The following MTFR1 variants were observed in gnomAD, a reference collection of about 807,000 sequenced individuals.
MTFR1 encodes the protein mitochondrial fission regulator 1, also known as chondrocyte protein with a poly-proline region.
A neutral mutation model predicts 38.8 loss-of-function variants in MTFR1; 28 were observed. That is an observed-to-expected ratio of 0.72 (90% CI 0.53 to 0.99). The LOEUF (loss-of-function observed/expected upper bound fraction) is 0.99, where lower values mean the gene tolerates loss of function less well. Among genes scored for constraint, MTFR1 ranks in the 50% least tolerant of loss-of-function variants. The probability of loss-of-function intolerance (pLI) is 0.00; values close to 1 mark genes in which losing one functional copy is unlikely to be tolerated. For synonymous variants in MTFR1, 145 were observed against 137.0 expected, an observed-to-expected ratio of 1.06 and a Z score of -0.41; for missense variants, 358 against 395.5, an observed-to-expected ratio of 0.91 and a Z score of 0.81.
At chr8:65,694,852 A>G (rs1211318203) in intron 4 of MTFR1, among the ~76,000 whole-genome samples, 1 of 152,218 alleles carries the variant, frequency 6.6e-6, no homozygotes, top group African/African-American at 2.4e-5. Context: ...TGGAAGAGTA[A>G]AGAACTTGTT....
chr8:65,712,950 A>T (rs1805992871), downstream of MTFR1, among the ~76,000 whole-genome samples: 2 of 152,236 alleles, frequency 1.3e-5, no homozygotes, highest in African/African-American at 4.8e-5. Context: ...TTTACAGGAC[A>T]TGGCTCAACA....
intron 2 of MTFR1, among the ~76,000 whole-genome samples, chr8:65,670,225 ACTTAC>A (rs1331720579): frequency 2.0e-5 from 3 of 152,182 alleles, no homozygotes; most frequent in Non-Finnish European, 4.4e-5. Flanking sequence ...TACATTGAAA[ACTTAC>A]CAGTATTCAT....
intron 3 of MTFR1, among the ~76,000 whole-genome samples, chr8:65,690,260 C>T (rs776346181): frequency 1.1e-4 from 16 of 152,120 alleles, no homozygotes; most frequent in Middle Eastern, 3.4e-3. Flanking sequence ...ACTGGCTGGG[C>T]GTGGTGGTGC....
chr8:65,706,914 G>T, intron 5 of MTFR1, 96 bp from the exon 6 acceptor site: 1 of 1,335,710 alleles, frequency 7.5e-7, no homozygotes, highest in Non-Finnish European at 1.0e-6. Context: ...TGTTTTTAGG[G>T]GTACAAAAAT....
In MTFR1 at chr8:65,760,929, G is replaced by A. The variant is rs181856943; in HGVS notation, c.*49-10018G>A. On this transcript the variant is annotated intron_variant, in intron 3 of 3. Coordinates refer to the MTFR1 transcript ENST00000521247. The stretch of plus-strand genomic sequence containing the variant: ...ATTAACATCATTTAGGAATACAGGA[G>A]AGAGGATACATGAGGAACTGGGAAC... 3.0e-3 allele frequency among the ~76,000 whole-genome samples: 270 copies of A among 89,502 alleles called. 1 individual carries two copies. Among genetic ancestry groups the A allele is most frequent in the African/African-American group, 0.01 (261 of 25,358 alleles). The allele number at this position is 89,502 out of a possible 152,430, so 58.7% of individuals were successfully genotyped here. A position where few individuals can be genotyped will look rare whatever the true frequency, so the allele number is the denominator to read the frequency against.
chr8:65,686,201 T>C (rs1254734360), intron 3 of MTFR1, among the ~76,000 whole-genome samples: 1 of 152,214 alleles, frequency 6.6e-6, no homozygotes, highest in Non-Finnish European at 1.5e-5. Flanking sequence ...TCATTTTTTA[T>C]TTTTAGCTAT....
chr8:65,723,604 A>AT, intron 3 of MTFR1: 28 of 1,571,568 alleles, frequency 1.8e-5, no homozygotes, highest in South Asian at 7.4e-5. Flanking sequence ...CCCAAATGAT[A>AT]TTTTTTTTCT....
downstream of MTFR1, among the ~76,000 whole-genome samples, chr8:65,775,754 A>C (rs145090325): frequency 2.5e-3 from 386 of 152,228 alleles, 1 homozygote; most frequent in African/African-American, 8.7e-3. Flanking sequence ...CAGCCTCCTG[A>C]GTGGCTGGGA....
chr8:65,734,844 G>C (rs1807056600), intron 3 of MTFR1: 1 of 1,612,360 alleles, frequency 6.2e-7, no homozygotes, highest in East Asian at 2.2e-5. Context: ...TCCGCAGCGT[G>C]GACTGCGTTA....
chr8:65,729,277 C>T (rs1284023149), intron 3 of MTFR1, among the ~76,000 whole-genome samples: 2 of 150,152 alleles, frequency 1.3e-5, no homozygotes, highest in African/African-American at 4.9e-5. Flanking sequence ...TTGCTGTGTT[C>T]AGTGAAAAGC....
intron 2 of MTFR1, among the ~76,000 whole-genome samples, chr8:65,676,895 ATCC>A (rs781772479): frequency 1.3e-5 from 2 of 152,244 alleles, no homozygotes; most frequent in Non-Finnish European, 2.9e-5. Context: ...TCCTGTTGTC[ATCC>A]TCCTCCTTGC....
At chr8:65,754,388 ACCATCATATACCTCCTTTC>A (rs1808117601) in intron 3 of MTFR1, among the ~76,000 whole-genome samples, 1 of 151,926 alleles carries the variant, frequency 6.6e-6, no homozygotes, top group Non-Finnish European at 1.5e-5. Flanking sequence ...CTCACTATTA[ACCATCATATACCTCCTTTC>A]CCATTCTTTT....
chr8:65,652,299 T>C (rs1285090705), intron 1 of MTFR1, among the ~76,000 whole-genome samples: 1 of 152,092 alleles, frequency 6.6e-6, no homozygotes, highest in African/African-American at 2.4e-5. Context: ...TACAAAAATA[T>C]AGGCTGGTCT....
chr8:65,704,790 A>G lies in MTFR1; in HGVS notation c.378A>G (p.Glu126=). Reference sequence around the variant, plus strand: ...TTTCCTTACCAGACTTGTCTCAAGAAGAGCCTCAGCTGAAGACCCCAGCGC... The same window carrying G: ...TTTCCTTACCAGACTTGTCTCAAGAGGAGCCTCAGCTGAAGACCCCAGCGC... ...RQISLPDLSQ[E]EPQLKTPALA... is the part of the protein sequence containing the mutation. Residue 126 remains glutamate (E), a synonymous_variant, in exon 5 of 8, where the codon GAA becomes GAG. Coordinates refer to ENST00000262146, the MANE Select transcript of MTFR1 (RefSeq NM_014637.4). The G allele has an allele frequency of 6.2e-7, 1 of 1,614,150 alleles. No individual in the cohort carries two copies. Among genetic ancestry groups the G allele is most frequent in the African/African-American group, 1.3e-5 (1 of 75,058 alleles).
At chr8:65,768,803 TGATA>T (rs1325242034) in intron 3 of MTFR1, among the ~76,000 whole-genome samples, 1 of 152,178 alleles carries the variant, frequency 6.6e-6, no homozygotes, top group Non-Finnish European at 1.5e-5. Flanking sequence ...TAAATATGTA[TGATA>T]AATATTACCT....
intron 3 of MTFR1, chr8:65,726,723 A>G: frequency 1.9e-6 from 1 of 513,018 alleles, no homozygotes; most frequent in Non-Finnish European, 3.5e-6. Flanking sequence ...ATAGCTCTAA[A>G]TTACTAAAAT....
intron 3 of MTFR1, chr8:65,719,498 T>G: frequency 1.2e-6 from 2 of 1,601,132 alleles, no homozygotes. Context: ...CATAAAACCT[T>G]GAGAAAATAG....
At chr8:65,658,800 G>A (rs139633953) in intron 1 of MTFR1, among the ~76,000 whole-genome samples, 1 of 152,126 alleles carries the variant, frequency 6.6e-6, no homozygotes, top group African/African-American at 2.4e-5. Context: ...TGACCACCCA[G>A]GTTAAGAAAT....
intron 3 of MTFR1, among the ~76,000 whole-genome samples, chr8:65,690,590 C>G (rs1352225791): frequency 6.6e-6 from 1 of 152,066 alleles, no homozygotes; most frequent in African/African-American, 2.4e-5. Flanking sequence ...TTCTTCCCTC[C>G]TCCCCACACT....
Sources: allele counts gnomAD v4.1 joint callset (sites outside exome capture counted in the v4.1 genomes callset), GRCh38; gene constraint gnomAD v4.1.1; transcripts MANE v1.5; gene names NCBI Gene and HGNC (gene_info 2026-07-23, HGNC 2026-07-21).